Variants in ARSG observed in about 807,000 individuals in gnomAD.
The protein encoded by ARSG is arylsulfatase G.
A neutral mutation model predicts 50.5 loss-of-function variants in ARSG; 37 were observed. The observed-to-expected ratio is 0.73, with a 90% CI of 0.56 to 0.96. The LOEUF (loss-of-function observed/expected upper bound fraction) is 0.96, where lower values mean the gene tolerates loss of function less well. Among genes scored for constraint, ARSG ranks in the 50% least tolerant of loss-of-function variants. The pLI is 0.00. For synonymous variants in ARSG, 225 were observed against 254.6 expected, an observed-to-expected ratio of 0.88 and a Z score of 1.11; for missense variants, 629 against 675.3, an observed-to-expected ratio of 0.93 and a Z score of 0.76.
At chr17:68,353,860 C>A (rs2078910152) in intron 5 of ARSG, among the ~76,000 whole-genome samples, 1 of 151,888 alleles carries the variant, frequency 6.6e-6, no homozygotes, top group Non-Finnish European at 1.5e-5. Context: ...TGTTACCATG[C>A]CTGGCTGAGT....
chr17:68,404,870 A>T (rs1408990195), intron 11 of ARSG, among the ~76,000 whole-genome samples: 1 of 152,198 alleles, frequency 6.6e-6, no homozygotes, highest in African/African-American at 2.4e-5. Context: ...ATGTGGCATA[A>T]GTAAGGGTCC....
the ARSG span, among the ~76,000 whole-genome samples, chr17:68,445,523 C>T: frequency 6.6e-6 from 1 of 152,204 alleles, no homozygotes; most frequent in African/African-American, 2.4e-5. Flanking sequence ...TTTGAACACC[C>T]CAGTGCCCCA....
At chr17:68,368,201 A>G (rs974041319) in intron 6 of ARSG, among the ~76,000 whole-genome samples, 7 of 152,220 alleles carry the variant, frequency 4.6e-5, no homozygotes, top group African/African-American at 7.2e-5. Flanking sequence ...AGATTCGGAC[A>G]TGTAACTAAT....
In ARSG at chr17:68,337,602, C is replaced by T. The variant is rs539985163; in HGVS notation, c.219-6002C>T. ...GAGATTAGGAAGCTAAGCAGAAACGCTTCTATTTATTTATTTATTTATTTA... is the reference window on the plus strand; with the variant it reads ...GAGATTAGGAAGCTAAGCAGAAACGTTTCTATTTATTTATTTATTTATTTA... On this transcript the variant is annotated intron_variant, in intron 2 of 11. Transcript: ENST00000621439. 3.0e-3 allele frequency among the ~76,000 whole-genome samples: 120 copies of T among 40,044 alleles called. 1 individual carries two copies. The highest frequency in any genetic ancestry group is 0.011 in the African/African-American group (113 of 10,574). 26.3% of individuals were successfully genotyped at this position (40,044 alleles called of 152,430 possible).
At position 68,307,673 on chromosome 17, in the gene ARSG, C is replaced by G. The variant is rs782646128; in HGVS notation, c.180C>G (p.Asp60Glu). Reference protein sequence around the residue: ...DLGANWAETKDTANLDKMASE... With the variant: ...DLGANWAETKETANLDKMASE... ...GAGCAAACTGGGCAGAAACAAAGGA[C>G]ACTGCCAACCTTGATAAGATGGCTT... The change falls in exon 2 of 12, where the codon GAC becomes GAG. Residue 60 changes from aspartate (D) to glutamate (E), a missense_variant. Asp to Glu is a conservative substitution (Grantham distance 45). Transcript: ENST00000621439. The G allele has an allele frequency of 6.2e-6, 10 of 1,604,722 alleles. No individual in the cohort carries two copies. Among genetic ancestry groups the G allele is most frequent in the Non-Finnish European group, 8.5e-6 (10 of 1,171,562 alleles).
At chr17:68,422,881 C>T (rs2082899302), downstream of ARSG, 1 of 152,098 alleles carries the variant, frequency 6.6e-6, no homozygotes, top group South Asian at 2.1e-4. Flanking sequence ...TTCTCATCCT[C>T]CCGAATGTAG....
At chr17:68,274,015 C>T in intron 1 of ARSG, 1 of 1,614,172 alleles carries the variant, frequency 6.2e-7, no homozygotes. Flanking sequence ...GTAGCCCCCC[C>T]AACATCACTA....
chr17:68,410,576 A>G (rs2081954565), intron 11 of ARSG, among the ~76,000 whole-genome samples: 2 of 152,104 alleles, frequency 1.3e-5, no homozygotes, highest in African/African-American at 4.8e-5. Flanking sequence ...ATATTGGTCT[A>G]AAATTCTCTT....
chr17:68,285,566 A>G (rs1455434365), intron 1 of ARSG: 1 of 152,186 alleles, frequency 6.6e-6, no homozygotes, highest in Non-Finnish European at 1.5e-5. Flanking sequence ...GCTACTCGGG[A>G]GGCTGCGGTG....
At chr17:68,426,254 G>T, downstream of ARSG, 1 of 816,922 alleles carries the variant, frequency 1.2e-6, no homozygotes, top group Non-Finnish European at 1.9e-6. Flanking sequence ...GGGAGCGGGG[G>T]CTCAAATAAA....
chr17:68,281,260 A>C (rs111379002), intron 1 of ARSG, among the ~76,000 whole-genome samples: 1 of 152,126 alleles, frequency 6.6e-6, no homozygotes, highest in Non-Finnish European at 1.5e-5. Flanking sequence ...AAACTCCCCA[A>C]CAATCTGGCT....
At chr17:68,314,668 T>C (rs1297704716) in intron 2 of ARSG, among the ~76,000 whole-genome samples, 6 of 152,080 alleles carry the variant, frequency 3.9e-5, no homozygotes, top group African/African-American at 1.4e-4. Context: ...GATCATGCCA[T>C]TGTACTCCAG....
At chr17:68,433,261 T>C in the ARSG span, among the ~76,000 whole-genome samples, 1 of 152,240 alleles carries the variant, frequency 6.6e-6, no homozygotes, top group African/African-American at 2.4e-5. Flanking sequence ...AGCCAGGACG[T>C]GAACTCACGT....
At chr17:68,424,489 A>C (rs2083020478), downstream of ARSG, 1 of 534,708 alleles carries the variant, frequency 1.9e-6, no homozygotes, top group Admixed American at 1.9e-5. Context: ...GATCAGGAGA[A>C]GTTTCCATAA....
At chr17:68,288,043 C>G (rs1378389570), upstream of ARSG, among the ~76,000 whole-genome samples, 3 of 147,030 alleles carry the variant, frequency 2.0e-5, no homozygotes, top group South Asian at 2.1e-4. Flanking sequence ...GTCTCCCAGG[C>G]TGGAGCACAG....
In ARSG at chr17:68,407,964, A is replaced by C. The variant is rs907996668; in HGVS notation, c.1303+6514A>C. 2.7e-5 allele frequency among the ~76,000 whole-genome samples: 4 copies of C among 149,056 alleles called. No individual in the cohort carries two copies. In the South Asian group the frequency reaches 8.5e-4, roughly 32 times the overall value. ...TTTTCTTGTTTCAGTTCTCAGAGGG[A>C]GTGATATCAGCTTTTCCCCATTCAG... On this transcript the variant is annotated intron_variant, in intron 11 of 11. Coordinates refer to ENST00000621439, the MANE Select transcript of ARSG (RefSeq NM_001267727.2).
At chr17:68,450,948 G>A in the ARSG span, 2 of 1,572,500 alleles carry the variant, frequency 1.3e-6, no homozygotes, top group South Asian at 2.4e-5. Flanking sequence ...CTTCCAAGAA[G>A]GATTCCAGCC....
In ARSG at chr17:68,388,424, T is replaced by C. The variant is rs151263773; in HGVS notation, c.1091+3252T>C. Among the ~76,000 whole-genome samples, 117 of 152,068 alleles carry C rather than the reference T, an allele frequency of 7.7e-4. 1 individual carries two copies. Among genetic ancestry groups the C allele is most frequent in the East Asian group, 4.8e-3 (25 of 5,168 alleles). ...AAACGTTTCCAGACAGTGCCAAATG[T>C]CCCCGGGGAGAATGAACTCACTCTG... On this transcript the variant is annotated intron_variant, in intron 9 of 11. Transcript: ENST00000621439.
chr17:68,273,314 T>G (rs1555749738), intron 1 of ARSG, among the ~76,000 whole-genome samples: 1 of 151,986 alleles, frequency 6.6e-6, no homozygotes, highest in East Asian at 1.9e-4. Flanking sequence ...GCTCAAGTGA[T>G]CCTCCCACCT....
Sources: allele counts gnomAD v4.1 joint callset (sites outside exome capture counted in the v4.1 genomes callset), GRCh38; gene constraint gnomAD v4.1.1; transcripts MANE v1.5; gene names NCBI Gene and HGNC (gene_info 2026-07-23, HGNC 2026-07-21).